CPHXL2: variants seen among roughly 807,000 people sequenced by gnomAD.
The protein encoded by CPHXL2 is cytoplasmic polyadenylated homeobox-like protein 2.
chr16:75,666,417 C>G, the CPHXL2 span, among the ~76,000 whole-genome samples: 1 of 151,872 alleles, frequency 6.6e-6, no homozygotes, highest in Admixed American at 6.6e-5. Flanking sequence ...GTCAGGAGTT[C>G]AGGACCAGCC....
chr16:75,660,729 G>GT, the CPHXL2 span: 1 of 398,656 alleles, frequency 2.5e-6, no homozygotes, highest in Non-Finnish European at 4.4e-6. Context: ...GCTTTCCCTG[G>GT]TTTCAGTCCT....
chr16:75,674,046 A>G, the CPHXL2 span, among the ~76,000 whole-genome samples: 1 of 151,480 alleles, frequency 6.6e-6, no homozygotes, highest in South Asian at 2.1e-4. Flanking sequence ...AAAGACGAAA[A>G]TACTTATGAA....
At chr16:75,674,522 CCA>C in the CPHXL2 span, among the ~76,000 whole-genome samples, 2 of 151,928 alleles carry the variant, frequency 1.3e-5, no homozygotes, top group African/African-American at 2.4e-5. Flanking sequence ...TCAAGTTGAT[CCA>C]CAGATACAAT....
At chr16:75,671,737 A>G in the CPHXL2 span, among the ~76,000 whole-genome samples, 1 of 152,356 alleles carries the variant, frequency 6.6e-6, no homozygotes, top group South Asian at 2.1e-4. Context: ...CTGGTGTTAA[A>G]CACTGATGCA....
the CPHXL2 span, among the ~76,000 whole-genome samples, chr16:75,667,577 A>G: frequency 1.3e-5 from 2 of 152,316 alleles, no homozygotes. Flanking sequence ...AACTGATTCT[A>G]TGATATCAGA....
the CPHXL2 span, among the ~76,000 whole-genome samples, chr16:75,661,833 AC>A: frequency 1.3e-5 from 2 of 152,124 alleles, no homozygotes; most frequent in African/African-American, 4.8e-5. Context: ...GAAGAAACAA[AC>A]CATTTTTCCT....
chr16:75,669,924 T>C, the CPHXL2 span, among the ~76,000 whole-genome samples: 1 of 152,156 alleles, frequency 6.6e-6, no homozygotes, highest in East Asian at 1.9e-4. Context: ...GATTTGAGAA[T>C]TTATCTTTTA....
the CPHXL2 span, among the ~76,000 whole-genome samples, chr16:75,670,288 A>G: frequency 5.3e-3 from 813 of 152,304 alleles, 8 homozygotes; most frequent in African/African-American, 0.019. Flanking sequence ...TACAACAGGA[A>G]AAACTGATCT....
At chr16:75,668,036 A>G in the CPHXL2 span, among the ~76,000 whole-genome samples, 603 of 152,056 alleles carry the variant, frequency 4.0e-3, 5 homozygotes, top group African/African-American at 0.014. Flanking sequence ...GGCCCAAACC[A>G]CCGTCACCAC....
chr16:75,661,467 C>A, the CPHXL2 span, among the ~76,000 whole-genome samples: 3 of 151,962 alleles, frequency 2.0e-5, no homozygotes, highest in Non-Finnish European at 4.4e-5. Flanking sequence ...AGAACCATAA[C>A]CTCCTTCACT....
chr16:75,673,239 A>G, the CPHXL2 span, among the ~76,000 whole-genome samples: 2 of 152,096 alleles, frequency 1.3e-5, no homozygotes, highest in Non-Finnish European at 2.9e-5. Flanking sequence ...GTTTGAGACC[A>G]GCCTGGGCAT....
At chr16:75,669,958 C>T in the CPHXL2 span, among the ~76,000 whole-genome samples, 42 of 152,134 alleles carry the variant, frequency 2.8e-4, no homozygotes, top group East Asian at 7.7e-4. Flanking sequence ...TTTGTCATCC[C>T]GGCTGGAGTG....
chr16:75,665,576 G>A, the CPHXL2 span, among the ~76,000 whole-genome samples: 1 of 152,134 alleles, frequency 6.6e-6, no homozygotes, highest in Non-Finnish European at 1.5e-5. Context: ...AAAACACCAA[G>A]GTATAGCCAG....
At chr16:75,674,653 G>C in the CPHXL2 span, among the ~76,000 whole-genome samples, 1 of 151,930 alleles carries the variant, frequency 6.6e-6, no homozygotes, top group Non-Finnish European at 1.5e-5. Flanking sequence ...TCTTGAAAAA[G>C]AACAAAGATG....
chr16:75,673,466 TA>T, the CPHXL2 span, among the ~76,000 whole-genome samples: 14 of 149,834 alleles, frequency 9.3e-5, no homozygotes, highest in South Asian at 4.3e-4. Flanking sequence ...AAAAAAAAAT[TA>T]AAAAAAAAGT....
the CPHXL2 span, among the ~76,000 whole-genome samples, chr16:75,668,481 C>T: frequency 1.3e-5 from 2 of 152,116 alleles, no homozygotes; most frequent in Non-Finnish European, 2.9e-5. Context: ...CCCACTGTGG[C>T]CTCCCAAAGT....
At chr16:75,673,146 A>G in the CPHXL2 span, among the ~76,000 whole-genome samples, 1 of 149,456 alleles carries the variant, frequency 6.7e-6, no homozygotes, top group Non-Finnish European at 1.5e-5. Flanking sequence ...GTCAATTCTG[A>G]TTTGGAGGCC....
chr16:75,674,753 A>G, the CPHXL2 span, among the ~76,000 whole-genome samples: 1 of 152,020 alleles, frequency 6.6e-6, no homozygotes, highest in Non-Finnish European at 1.5e-5. Context: ...TCTGTCTCCC[A>G]GGCTGGAGTG....
chr16:75,665,102 G>T, the CPHXL2 span, among the ~76,000 whole-genome samples: 1 of 152,192 alleles, frequency 6.6e-6, no homozygotes, highest in Admixed American at 6.5e-5. Flanking sequence ...AAAAAAGCAA[G>T]TGCCTGCTTT....
Sources: gnomAD v4.1 joint callset for allele counts (sites outside exome capture counted in the v4.1 genomes callset) on GRCh38, gnomAD v4.1.1 for gene constraint, MANE v1.5 for transcripts, NCBI Gene and HGNC (gene_info 2026-07-23, HGNC 2026-07-21) for gene names.